ROBO2: variants seen among roughly 807,000 people sequenced by gnomAD.
ROBO2 encodes the protein roundabout homolog 2.
A neutral mutation model predicts 160.8 loss-of-function variants in ROBO2; 53 were observed. The observed-to-expected ratio is 0.33, with a 90% CI of 0.26 to 0.41. ROBO2 has a LOEUF of 0.41. Among genes scored for constraint, ROBO2 ranks in the 10% least tolerant of loss-of-function variants. ROBO2 has a pLI of 1.00. For missense variants in ROBO2, 1,577 were observed against 1,722.4 expected, an observed-to-expected ratio of 0.92 and a Z score of 1.49; for synonymous variants, 664 against 611.7, an observed-to-expected ratio of 1.09 and a Z score of -1.26.
intron 2 of ROBO2, among the ~76,000 whole-genome samples, chr3:76,143,466 C>A (rs2071762742): frequency 6.6e-6 from 1 of 152,038 alleles, no homozygotes. Context: ...TACACAACCA[C>A]CAAGTTCCTT....
At chr3:77,095,499 A>G (rs758189052) in intron 1 of ROBO2, among the ~76,000 whole-genome samples, 2 of 152,142 alleles carry the variant, frequency 1.3e-5, no homozygotes, top group Non-Finnish European at 2.9e-5. Context: ...CCTAGTAGCT[A>G]TTTACTTGCT....
At chr3:76,273,463 T>C (rs1372699876) in intron 2 of ROBO2, among the ~76,000 whole-genome samples, 1 of 152,014 alleles carries the variant, frequency 6.6e-6, no homozygotes, top group Non-Finnish European at 1.5e-5. Flanking sequence ...GACTGGGTAA[T>C]TTATAAAGAA....
At chr3:76,303,484 C>A (rs1315480608) in intron 2 of ROBO2, among the ~76,000 whole-genome samples, 2 of 152,054 alleles carry the variant, frequency 1.3e-5, no homozygotes, top group Non-Finnish European at 2.9e-5. Flanking sequence ...AGAACAGATT[C>A]TTTTTTCAAA....
intron 2 of ROBO2, among the ~76,000 whole-genome samples, chr3:76,375,514 A>T (rs1419887991): frequency 1.3e-5 from 2 of 152,052 alleles, no homozygotes; most frequent in African/African-American, 4.8e-5. Flanking sequence ...CCTTATCCTC[A>T]ATAATTATAC....
chr3:77,270,221 C>T (rs924975900), intron 2 of ROBO2, among the ~76,000 whole-genome samples: 5 of 152,134 alleles, frequency 3.3e-5, no homozygotes, highest in Admixed American at 6.5e-5. Flanking sequence ...TAAAAACTTT[C>T]TTGGCTCAGA....
intron 24 of ROBO2, among the ~76,000 whole-genome samples, chr3:77,644,022 G>A (rs1348485601): frequency 6.6e-6 from 1 of 151,928 alleles, no homozygotes; most frequent in Non-Finnish European, 1.5e-5. Flanking sequence ...TGTGGAGAGG[G>A]AGCAATGAGA....
chr3:77,157,429 C>G (rs928366662), intron 2 of ROBO2, among the ~76,000 whole-genome samples: 33 of 152,124 alleles, frequency 2.2e-4, no homozygotes, highest in Admixed American at 7.9e-4. Flanking sequence ...CTTAATGATT[C>G]TCCAATTCCC....
chr3:76,186,304 C>T (rs527748721), intron 2 of ROBO2, among the ~76,000 whole-genome samples: 6 of 152,096 alleles, frequency 3.9e-5, no homozygotes, highest in Middle Eastern at 3.4e-3. Flanking sequence ...AAGCAAAAGA[C>T]ATTGAGAATT....
At chr3:76,405,210 C>T (rs2078059746) in intron 2 of ROBO2, among the ~76,000 whole-genome samples, 1 of 151,418 alleles carries the variant, frequency 6.6e-6, no homozygotes, top group Non-Finnish European at 1.5e-5. Flanking sequence ...GGGAAAAATC[C>T]AGCCAGAAGC....
intron 2 of ROBO2, among the ~76,000 whole-genome samples, chr3:75,958,100 A>T (rs994052822): frequency 6.6e-6 from 1 of 151,728 alleles, no homozygotes; most frequent in African/African-American, 2.4e-5. Flanking sequence ...AGAAAAAGTG[A>T]CACTATCTTT....
At chr3:76,784,867 A>C (rs2062873173) in intron 2 of ROBO2, among the ~76,000 whole-genome samples, 1 of 151,222 alleles carries the variant, frequency 6.6e-6, no homozygotes, top group Non-Finnish European at 1.5e-5. Context: ...CAAGACAAAC[A>C]TGGGCCTTCT....
At chr3:77,621,236 G>A (rs997827431) in intron 22 of ROBO2, among the ~76,000 whole-genome samples, 6 of 152,122 alleles carry the variant, frequency 3.9e-5, no homozygotes, top group Admixed American at 1.3e-4. Flanking sequence ...GACCAACCTA[G>A]ACAACATAGT....
intron 22 of ROBO2, chr3:77,618,043 T>C (rs1244378295): frequency 4.3e-6 from 2 of 467,882 alleles, no homozygotes; most frequent in Non-Finnish European, 7.7e-6. Flanking sequence ...AGAGCAAGAA[T>C]TCAAATCTGC....
intron 2 of ROBO2, among the ~76,000 whole-genome samples, chr3:76,604,638 G>A (rs889426023): frequency 1.9e-4 from 29 of 152,080 alleles, no homozygotes; most frequent in African/African-American, 6.3e-4. Context: ...TTAATAATTA[G>A]ATCTGGACCA....
chr3:77,300,118 A>G (rs1383390935), intron 2 of ROBO2, among the ~76,000 whole-genome samples: 1 of 152,118 alleles, frequency 6.6e-6, no homozygotes, highest in African/African-American at 2.4e-5. Context: ...TTTGCAGGTT[A>G]GCATAGATTT....
At chr3:76,506,221 A>G (rs1354882246) in intron 2 of ROBO2, among the ~76,000 whole-genome samples, 3 of 152,190 alleles carry the variant, frequency 2.0e-5, no homozygotes, top group Non-Finnish European at 4.4e-5. Context: ...TAAAAAATAT[A>G]TACACCATAG....
At chr3:76,450,469 GA>G (rs1487541430) in intron 2 of ROBO2, among the ~76,000 whole-genome samples, 5 of 152,060 alleles carry the variant, frequency 3.3e-5, no homozygotes, top group African/African-American at 4.8e-5. Context: ...AAAAAATGAT[GA>G]AAATTTTAAC....
intron 2 of ROBO2, among the ~76,000 whole-genome samples, chr3:76,814,664 A>T (rs1220646375): frequency 6.6e-6 from 1 of 152,060 alleles, no homozygotes; most frequent in African/African-American, 2.4e-5. Context: ...TATATATTTT[A>T]GAAAAAAGTC....
intron 2 of ROBO2, among the ~76,000 whole-genome samples, chr3:75,993,294 C>G (rs1247977128): frequency 6.6e-6 from 1 of 152,104 alleles, no homozygotes; most frequent in East Asian, 1.9e-4. Context: ...GGGGGTGGAT[C>G]TTTCTTGTGC....
Sources: allele counts gnomAD v4.1 joint callset (sites outside exome capture counted in the v4.1 genomes callset), GRCh38; gene constraint gnomAD v4.1.1; transcripts MANE v1.5; gene names NCBI Gene and HGNC (gene_info 2026-07-23, HGNC 2026-07-21).